CDH13: variants seen among roughly 807,000 people sequenced by gnomAD.
CDH13 encodes cadherin 13.
In CDH13, 24 loss-of-function variants were observed where a neutral mutation model predicts 63.8. The ratio of observed to expected loss-of-function variants is 0.38; its 90% CI spans 0.27 to 0.53. CDH13 has a LOEUF of 0.53. Among genes scored for constraint, CDH13 ranks in the 20% least tolerant of loss-of-function variants. CDH13 has a pLI of 0.85. For missense variants in CDH13, 1,049 were observed against 903.1 expected (o/e 1.16, Z -2.07); for synonymous variants, 503 against 355.3 (o/e 1.42, Z -4.67).
At chr16:83,192,146 A>G (rs2038738463) in intron 4 of CDH13, among the ~76,000 whole-genome samples, 1 of 152,190 alleles carries the variant, frequency 6.6e-6, no homozygotes, top group Non-Finnish European at 1.5e-5. Context: ...CTCAAGCAAG[A>G]GCCGTTCCTT....
At position 82,741,752 on chromosome 16, in the gene CDH13, A is replaced by T. The variant is rs375567840; in HGVS notation, c.45+114615A>T. ...TATAAACAAATAAAAATTATAGATC[A>T]ATTTTTATTTTTCAAATAGGGAATT... On this transcript the variant is annotated intron_variant, in intron 1 of 13. Coordinates refer to ENST00000567109, the MANE Select transcript of CDH13 (RefSeq NM_001257.5). 4.5e-4 allele frequency among the ~76,000 whole-genome samples: 68 copies of T among 152,342 alleles called. 1 individual carries two copies. Among genetic ancestry groups the T allele is most frequent in the South Asian group, 3.9e-3 (19 of 4,824 alleles).
intron 1 of CDH13, among the ~76,000 whole-genome samples, chr16:82,807,138 CA>C: frequency 6.7e-6 from 1 of 148,830 alleles, no homozygotes; most frequent in Non-Finnish European, 1.5e-5. Context: ...TTACTGACAA[CA>C]GACATTGCCA....
chr16:83,779,498 ATTG>A (rs1915368896), intron 11 of CDH13, among the ~76,000 whole-genome samples: 1 of 145,258 alleles, frequency 6.9e-6, no homozygotes, highest in African/African-American at 2.5e-5. Flanking sequence ...AAAATCTATT[ATTG>A]TTAGTCTTGT....
At chr16:83,415,453 C>T (rs1215097288) in intron 6 of CDH13, among the ~76,000 whole-genome samples, 1 of 152,128 alleles carries the variant, frequency 6.6e-6, no homozygotes, top group African/African-American at 2.4e-5. Flanking sequence ...GCCAGACAAA[C>T]ACCACAAGAA....
intron 6 of CDH13, among the ~76,000 whole-genome samples, chr16:83,363,531 G>C (rs2151388361): frequency 6.6e-6 from 1 of 152,308 alleles, no homozygotes; most frequent in African/African-American, 2.4e-5. Context: ...TTATGAATTT[G>C]AGAATTAGTT....
intron 7 of CDH13, among the ~76,000 whole-genome samples, chr16:83,569,807 G>A (rs1017564365): frequency 1.3e-5 from 2 of 152,092 alleles, no homozygotes; most frequent in African/African-American, 4.8e-5. Context: ...TACAATCTCC[G>A]CTCACTGCAA....
At chr16:83,334,124 C>T (rs550518612) in intron 5 of CDH13, among the ~76,000 whole-genome samples, 92 of 152,260 alleles carry the variant, frequency 6.0e-4, no homozygotes, top group South Asian at 3.1e-3. Flanking sequence ...AAGCCAGCAA[C>T]AGCTGTTCAT....
At chr16:83,459,381 G>C (rs2073114520) in intron 6 of CDH13, among the ~76,000 whole-genome samples, 1 of 152,162 alleles carries the variant, frequency 6.6e-6, no homozygotes, top group African/African-American at 2.4e-5. Flanking sequence ...ATAAATAATT[G>C]ACTCTCCCAT....
intron 2 of CDH13, chr16:83,023,022 A>G (rs974927728): frequency 2.0e-5 from 3 of 152,202 alleles, no homozygotes; most frequent in Non-Finnish European, 4.4e-5. Context: ...GATGGTAGGA[A>G]ATCTATGCCT....
At chr16:82,774,296 A>C (rs1470019302) in intron 1 of CDH13, among the ~76,000 whole-genome samples, 2 of 149,474 alleles carry the variant, frequency 1.3e-5, no homozygotes, top group Admixed American at 6.9e-5. Context: ...CCAGCTCTTC[A>C]ATTTACATCT....
chr16:83,358,488 T>C (rs549631461), intron 6 of CDH13, among the ~76,000 whole-genome samples: 32 of 152,334 alleles, frequency 2.1e-4, no homozygotes, highest in African/African-American at 7.7e-4. Flanking sequence ...CTCTCCAGAA[T>C]TATTTTACAT....
At chr16:82,821,519 G>A (rs545499977) in intron 1 of CDH13, among the ~76,000 whole-genome samples, 2 of 152,106 alleles carry the variant, frequency 1.3e-5, no homozygotes, top group Non-Finnish European at 2.9e-5. Flanking sequence ...TCCATAATTG[G>A]TTAGAGCCTT....
At chr16:83,061,352 G>T (rs1020734595) in intron 3 of CDH13, among the ~76,000 whole-genome samples, 1 of 151,950 alleles carries the variant, frequency 6.6e-6, no homozygotes, top group African/African-American at 2.4e-5. Flanking sequence ...TGGATTTTTT[G>T]TGTCCCTTAC....
chr16:83,678,170 C>A, intron 9 of CDH13, 38 bp from the exon 10 acceptor site: 1 of 1,574,822 alleles, frequency 6.3e-7, no homozygotes, highest in Non-Finnish European at 8.6e-7. Context: ...CCTTTTGTGG[C>A]TGGTGTGCAT....
At chr16:82,686,886 A>T (rs1915128926) in intron 1 of CDH13, among the ~76,000 whole-genome samples, 1 of 152,210 alleles carries the variant, frequency 6.6e-6, no homozygotes, top group South Asian at 2.1e-4. Context: ...CTACAACAGG[A>T]GAATTCTTCC....
intron 7 of CDH13, among the ~76,000 whole-genome samples, chr16:83,575,373 G>A (rs1212016606): frequency 6.6e-6 from 1 of 152,192 alleles, no homozygotes; most frequent in East Asian, 1.9e-4. Context: ...CCACACTATA[G>A]CCAGAATAAT....
At chr16:82,915,487 T>C (rs937041552) in intron 2 of CDH13, among the ~76,000 whole-genome samples, 2 of 152,290 alleles carry the variant, frequency 1.3e-5, no homozygotes, top group Non-Finnish European at 2.9e-5. Flanking sequence ...ATCAAAGTGA[T>C]ATACAGGGAT....
rs549842273 is a variant in CDH13 at position 83,114,713 on chromosome 16, C to T, written c.367-10672C>T. ...TTGCCTCTCCAACCTTTTAAATTTG[C>T]TGCAGAAAGTTGGATATTTGTTGGG... On this transcript the variant is annotated intron_variant, in intron 3 of 13. Transcript: ENST00000567109. 1.4e-3 allele frequency among the ~76,000 whole-genome samples: 216 copies of T among 152,256 alleles called. 1 individual carries two copies. Among genetic ancestry groups the T allele is most frequent in the Non-Finnish European group, 2.5e-3 (167 of 68,026 alleles).
At chr16:83,537,245 C>T (rs1341387127) in intron 7 of CDH13, among the ~76,000 whole-genome samples, 1 of 152,128 alleles carries the variant, frequency 6.6e-6, no homozygotes, top group Non-Finnish European at 1.5e-5. Flanking sequence ...GTAGATAAAA[C>T]CAAAGAGCGA....
Sources: gnomAD v4.1 joint callset for allele counts (sites outside exome capture counted in the v4.1 genomes callset) on GRCh38, gnomAD v4.1.1 for gene constraint, MANE v1.5 for transcripts, NCBI Gene and HGNC (gene_info 2026-07-23, HGNC 2026-07-21) for gene names.